Variants in SLC9A9 observed in about 807,000 individuals in gnomAD.
SLC9A9 encodes solute carrier family 9 member A9.
A neutral mutation model predicts 77.8 loss-of-function variants in SLC9A9; 62 were observed. The ratio of observed to expected loss-of-function variants is 0.80; its 90% CI spans 0.65 to 0.98. The LOEUF is 0.98. SLC9A9 is among the 50% of genes least tolerant of loss of function. SLC9A9 has a pLI of 0.00. For missense variants in SLC9A9, 775 were observed against 774.9 expected (o/e 1.00, Z 0.00); for synonymous variants, 320 against 283.5 (o/e 1.13, Z -1.29).
chr3:143,544,211 A>G (rs1047088256), intron 9 of SLC9A9, among the ~76,000 whole-genome samples: 1 of 151,584 alleles, frequency 6.6e-6, no homozygotes. Context: ...CCTTTGTCCA[A>G]TTTTCTTTTT....
intron 4 of SLC9A9, among the ~76,000 whole-genome samples, chr3:143,694,733 T>G (rs1933576929): frequency 6.6e-6 from 1 of 152,192 alleles, no homozygotes; most frequent in African/African-American, 2.4e-5. Flanking sequence ...CACACTGTAT[T>G]GCTTAGATCA....
intron 9 of SLC9A9, chr3:143,504,353 G>A (rs986937879): frequency 3.0e-5 from 5 of 167,184 alleles, no homozygotes; most frequent in African/African-American, 7.2e-5. Flanking sequence ...GCTGCTCCTC[G>A]GATTTTAATT....
chr3:143,736,647 T>C (rs143029080), intron 4 of SLC9A9, among the ~76,000 whole-genome samples: 412 of 152,338 alleles, frequency 2.7e-3, no homozygotes, highest in African/African-American at 9.5e-3. Flanking sequence ...GAGAAATCTC[T>C]TTTCTATTTG....
chr3:143,533,629 A>C (rs1341922686), intron 9 of SLC9A9, among the ~76,000 whole-genome samples: 1 of 152,174 alleles, frequency 6.6e-6, no homozygotes, highest in Non-Finnish European at 1.5e-5. Flanking sequence ...AAAACCCTAC[A>C]TCTTTAGATA....
chr3:143,437,711 C>T lies in SLC9A9; in HGVS notation c.1469+29326G>A, dbSNP rs985926568. Among the ~76,000 whole-genome samples the T allele has an allele frequency of 2.6e-5, 4 of 152,194 alleles. No homozygotes were observed. The East Asian group carries it at 5.8e-4, about 22-fold the overall frequency. Reference sequence around the variant, plus strand: ...GTCTTGGGGAAAGAATAATTCCCCACCCCCAGTCACTAAACTGGCAGTAGA... The same window carrying T: ...GTCTTGGGGAAAGAATAATTCCCCATCCCCAGTCACTAAACTGGCAGTAGA... On this transcript the variant is annotated intron_variant, in intron 12 of 15. Coordinates refer to ENST00000316549, the MANE Select transcript of SLC9A9 (RefSeq NM_173653.4).
chr3:143,527,929 T>C (rs1390379273), intron 9 of SLC9A9, among the ~76,000 whole-genome samples: 1 of 152,166 alleles, frequency 6.6e-6, no homozygotes, highest in African/African-American at 2.4e-5. Flanking sequence ...GTGAGAGGCA[T>C]TGTCACCAGG....
rs149359204 is a variant in SLC9A9 at position 143,447,799 on chromosome 3, A to C, written c.1469+19238T>G. Among the ~76,000 whole-genome samples the C allele has an allele frequency of 3.0e-3, 450 of 152,306 alleles. 4 individuals carry two copies. The highest frequency in any genetic ancestry group is 0.01 in the African/African-American group (429 of 41,572). On this transcript the variant is annotated intron_variant, in intron 12 of 15. Transcript: ENST00000316549. Reference sequence around the variant, plus strand: ...TAGCCCCGCTGTCTACCCCAATTTGAAGAACACGTGCTTGTATCGACCAAA... The same window carrying C: ...TAGCCCCGCTGTCTACCCCAATTTGCAGAACACGTGCTTGTATCGACCAAA...
intron 11 of SLC9A9, among the ~76,000 whole-genome samples, chr3:143,486,961 C>T (rs1353817156): frequency 6.6e-6 from 1 of 151,908 alleles, no homozygotes; most frequent in Admixed American, 6.6e-5. Flanking sequence ...ATGTATTAAA[C>T]ACTCTAATCA....
In SLC9A9 at chr3:143,299,428, T is replaced by G. The variant is rs367601454; in HGVS notation, c.1605-30448A>C. On this transcript the variant is annotated intron_variant, in intron 14 of 15. Coordinates refer to ENST00000316549, the MANE Select transcript of SLC9A9 (RefSeq NM_173653.4). Reference sequence around the variant, plus strand: ...TCACTTGGAGAGCTTGTTAAAAAGCTTGTTGGGGGGACCTACACATTTTTT... The same window carrying G: ...TCACTTGGAGAGCTTGTTAAAAAGCGTGTTGGGGGGACCTACACATTTTTT... Among the ~76,000 whole-genome samples, 175 of 152,098 alleles carry G rather than the reference T, an allele frequency of 1.2e-3. 4 individuals carry two copies. The South Asian group carries it at 0.029, about 25-fold the overall frequency.
intron 14 of SLC9A9, among the ~76,000 whole-genome samples, chr3:143,282,739 G>A (rs1156460932): frequency 6.6e-6 from 1 of 152,168 alleles, no homozygotes; most frequent in African/African-American, 2.4e-5. Flanking sequence ...AGAAAGATAG[G>A]ACTGTGGTGG....
chr3:143,526,139 T>C (rs2036401635), intron 9 of SLC9A9, among the ~76,000 whole-genome samples: 2 of 152,308 alleles, frequency 1.3e-5, no homozygotes, highest in Admixed American at 1.3e-4. Flanking sequence ...CTGTGATGTC[T>C]AGGTCTTTTA....
At chr3:143,716,978 G>A (rs1317863867) in intron 4 of SLC9A9, among the ~76,000 whole-genome samples, 1 of 152,184 alleles carries the variant, frequency 6.6e-6, no homozygotes, top group Non-Finnish European at 1.5e-5. Flanking sequence ...GAGGAATGGA[G>A]GGGGAGGAAG....
intron 14 of SLC9A9, among the ~76,000 whole-genome samples, chr3:143,355,770 A>G (rs932780015): frequency 4.6e-5 from 7 of 152,250 alleles, no homozygotes; most frequent in African/African-American, 1.7e-4. Flanking sequence ...AAACGTGATA[A>G]GCGAGTGAAT....
intron 4 of SLC9A9, among the ~76,000 whole-genome samples, chr3:143,742,547 A>G (rs935069863): frequency 6.6e-6 from 1 of 152,118 alleles, no homozygotes; most frequent in African/African-American, 2.4e-5. Flanking sequence ...AGTAGTCCTA[A>G]AAGTTATCAA....
chr3:143,746,783 G>A (rs1935207263), intron 4 of SLC9A9, among the ~76,000 whole-genome samples: 1 of 151,986 alleles, frequency 6.6e-6, no homozygotes, highest in South Asian at 2.1e-4. Context: ...AAAATATTTG[G>A]CTAAAATGTC....
intron 6 of SLC9A9, among the ~76,000 whole-genome samples, chr3:143,609,931 A>G (rs917755590): frequency 1.3e-5 from 2 of 152,068 alleles, no homozygotes; most frequent in Non-Finnish European, 2.9e-5. Flanking sequence ...TGAATAACTC[A>G]TCTTTTCCCT....
At chr3:143,709,501 G>T (rs1576674199) in intron 4 of SLC9A9, among the ~76,000 whole-genome samples, 1 of 152,052 alleles carries the variant, frequency 6.6e-6, no homozygotes, top group South Asian at 2.1e-4. Context: ...TATGAAACTC[G>T]AAATGAGGGT....
chr3:143,533,693 AAG>A (rs1224685198), intron 9 of SLC9A9, among the ~76,000 whole-genome samples: 1 of 152,224 alleles, frequency 6.6e-6, no homozygotes, highest in Non-Finnish European at 1.5e-5. Context: ...GTGTCTGAGA[AAG>A]AGAGAGAAAG....
chr3:143,470,155 T>TA (rs1333409247), intron 11 of SLC9A9, among the ~76,000 whole-genome samples: 9 of 152,224 alleles, frequency 5.9e-5, no homozygotes, highest in Non-Finnish European at 1.0e-4. Context: ...CAGTGTTTAA[T>TA]CATAGTACAA....
Sources: allele counts gnomAD v4.1 joint callset (sites outside exome capture counted in the v4.1 genomes callset), GRCh38; gene constraint gnomAD v4.1.1; transcripts MANE v1.5; gene names NCBI Gene and HGNC (gene_info 2026-07-23, HGNC 2026-07-21).